Variants in CAND2 observed in about 807,000 individuals in gnomAD.
CAND2 encodes cullin-associated NEDD8-dissociated protein 2.
CAND2 carries 62 observed loss-of-function variants against 98.9 expected under a neutral mutation model. The ratio of observed to expected loss-of-function variants is 0.63; its 90% CI spans 0.51 to 0.77. The LOEUF (loss-of-function observed/expected upper bound fraction) is 0.77, where lower values mean the gene tolerates loss of function less well. Among genes scored for constraint, CAND2 ranks in the 30% least tolerant of loss-of-function variants. CAND2 has a pLI of 0.00. For missense variants in CAND2, 1,501 were observed against 1,655.2 expected (o/e 0.91, Z 1.62); for synonymous variants, 770 against 731.9 (o/e 1.05, Z -0.84).
At chr3:12,822,181 T>C (rs763286180) in intron 11 of CAND2, among the ~76,000 whole-genome samples, 2 of 152,206 alleles carry the variant, frequency 1.3e-5, no homozygotes, top group African/African-American at 4.8e-5. Context: ...TTATTTGTCA[T>C]TAGAGACTCA....
chr3:12,828,513 TG>T (rs1165654314), intron 13 of CAND2, among the ~76,000 whole-genome samples: 1 of 152,074 alleles, frequency 6.6e-6, no homozygotes, highest in East Asian at 1.9e-4. Context: ...AAATTTTTTT[TG>T]TATTTTTAGT....
chr3:12,834,196 T>C lies in CAND2; in HGVS notation c.*214T>C. On this transcript the variant is annotated 3_prime_UTR_variant, in exon 15 of 15. Transcript: ENST00000456430. Reference sequence around the variant, plus strand: ...GTGAGGCTGCCAACAGTTGGGCCCCTTCCTTAACTCAGGACAGTCATCCAA... The same window carrying C: ...GTGAGGCTGCCAACAGTTGGGCCCCCTCCTTAACTCAGGACAGTCATCCAA... The C allele has an allele frequency of 1.7e-6, 1 of 585,652 alleles. No homozygotes were observed. The highest frequency in any genetic ancestry group is 3.0e-6 in the Non-Finnish European group (1 of 328,312). 36.3% of individuals were successfully genotyped at this position (585,652 alleles called of 1,614,324 possible).
In CAND2 at chr3:12,831,511, C is replaced by T. The variant is rs201359858; in HGVS notation, c.3422C>T (p.Ala1141Val). The T allele has an allele frequency of 6.2e-7, 1 of 1,614,098 alleles. No homozygotes were observed. The highest frequency in any genetic ancestry group is 1.3e-5 in the African/African-American group (1 of 75,032). ...GCCCGGCTGGCCACCCTGTGTCCTG[C>T]ACCTGTCCTGCAGAGGGTGGACCGA... ...MVARLATLCP[A>V]PVLQRVDRLI... Residue 1141 changes from alanine to valine, a missense_variant, in exon 14 of 15, where the codon GCA (alanine) becomes GTA (valine). Physicochemically the swap from Ala to Val is moderately conservative, Grantham distance 64. Around this residue, in one of 3 missense-constraint regions of CAND2, gnomAD observed 1,427 missense variants for 1,545.3 expected, o/e 0.92. Coordinates refer to ENST00000456430, the MANE Select transcript of CAND2 (RefSeq NM_001162499.2).
intron 13 of CAND2, 126 bp downstream of exon 13, chr3:12,827,730 G>T: frequency 1.1e-6 from 1 of 911,828 alleles, no homozygotes; most frequent in Non-Finnish European, 1.6e-6. Flanking sequence ...CTGCATTGTT[G>T]TTTTCTGATA....
intron 5 of CAND2, among the ~76,000 whole-genome samples, chr3:12,812,333 C>T (rs550310665): frequency 2.3e-4 from 34 of 148,936 alleles, no homozygotes; most frequent in Non-Finnish European, 3.4e-4. Context: ...AAGCAATTCT[C>T]CTGCCTCAGC....
At chr3:12,820,402 C>T (rs558472294) in intron 11 of CAND2, among the ~76,000 whole-genome samples, 1 of 152,328 alleles carries the variant, frequency 6.6e-6, no homozygotes, top group South Asian at 2.1e-4. Context: ...GCCCATCACA[C>T]CTCTAAGCCT....
rs530014195 is a variant in CAND2, at chr3:12,803,583, G to A, written c.164G>A (p.Arg55Gln). The A allele has an allele frequency of 1.1e-5, 18 of 1,613,202 alleles. No individual in the cohort carries two copies. The highest frequency in any genetic ancestry group is 5.0e-5 in the Admixed American group (3 of 59,930). ...CGCAAGGTGGTGAAGATGCTGCTCC[G>A]GCTCCTGGAGGACAAGAACGGTGAG... ...SERKVVKMLL[R>Q]LLEDKNGEVQ... The change falls in exon 2 of 15, where the codon CGG becomes CAG. Residue 55 changes from arginine to glutamine, a missense_variant. Arg to Gln is a conservative substitution (Grantham distance 43). Around this residue, in one of 3 missense-constraint regions of CAND2, gnomAD observed 62 missense variants for 77.3 expected, o/e 0.80. Coordinates refer to ENST00000456430, the MANE Select transcript of CAND2 (RefSeq NM_001162499.2).
At chr3:12,808,889 G>T (rs1263653133) in intron 4 of CAND2, among the ~76,000 whole-genome samples, 1 of 152,166 alleles carries the variant, frequency 6.6e-6, no homozygotes, top group African/African-American at 2.4e-5. Flanking sequence ...TCTGCCAGGG[G>T]TCGTGGGGCA....
intron 2 of CAND2, 22 bp downstream of exon 2, chr3:12,803,653 G>A: frequency 1.3e-6 from 2 of 1,579,968 alleles, no homozygotes; most frequent in Non-Finnish European, 1.7e-6. Context: ...CCTCGGTGGA[G>A]CAGGAGAGGG....
chr3:12,820,190 C>T lies in CAND2; in HGVS notation c.3040+9C>T. On this transcript the variant is annotated intron_variant, in intron 11 of 14. Transcript: ENST00000456430. ...CCTGAAGAGCTTCATCGGTGAGCAC[C>T]TACCTCTTGCCCCTCCACCTTGTTC... The T allele has an allele frequency of 6.2e-7, 1 of 1,605,936 alleles. No homozygotes were observed. The highest frequency in any genetic ancestry group is 8.5e-7 in the Non-Finnish European group (1 of 1,172,670).
Position 12,834,525 on chromosome 3 carries a change from T to TA in CAND2, c.*544dup, listed in dbSNP as rs1253077715. The TA allele has an allele frequency of 1.9e-5, 3 of 154,816 alleles. No homozygotes were observed. Among genetic ancestry groups the TA allele is most frequent in the Admixed American group, 6.3e-5 (1 of 15,902 alleles). 9.6% of individuals were successfully genotyped at this position (154,816 alleles called of 1,614,324 possible). Reference sequence around the variant, plus strand: ...GATGAATCAGAAATTTGGAAGATGATACGGGTTTCTTTTTTCCAGGGAGGA... The same window carrying TA: ...GATGAATCAGAAATTTGGAAGATGATAACGGGTTTCTTTTTTCCAGGGAGGA... On this transcript the variant is annotated 3_prime_UTR_variant, in exon 15 of 15. Transcript: ENST00000456430.
intron 11 of CAND2, among the ~76,000 whole-genome samples, chr3:12,823,922 C>T (rs1394918690): frequency 6.6e-6 from 1 of 151,630 alleles, no homozygotes; most frequent in African/African-American, 2.4e-5. Flanking sequence ...ATGATAAATA[C>T]AGTTTTTTTG....
At chr3:12,800,755 C>G (rs1490563356) in intron 1 of CAND2, among the ~76,000 whole-genome samples, 1 of 152,148 alleles carries the variant, frequency 6.6e-6, no homozygotes, top group Non-Finnish European at 1.5e-5. Context: ...TTGAGTCTCA[C>G]TCTGTCACCC....
chr3:12,818,729 C>G (rs2061930241), intron 10 of CAND2, among the ~76,000 whole-genome samples: 1 of 152,220 alleles, frequency 6.6e-6, no homozygotes, highest in Non-Finnish European at 1.5e-5. Flanking sequence ...GTAATTAATA[C>G]TGAGTAAATC....
At position 12,817,617 on chromosome 3, in the gene CAND2, C is replaced by T; in HGVS notation, c.2685C>T (p.Asp895=). The T allele has an allele frequency of 1.9e-6, 3 of 1,613,658 alleles. No homozygotes were observed. Among genetic ancestry groups the T allele is most frequent in the Non-Finnish European group, 2.5e-6 (3 of 1,179,996 alleles). The change falls in exon 10 of 15, where the codon GAC becomes GAT. Residue 895 remains aspartate, a synonymous_variant. Transcript: ENST00000456430. ...GTGTGGGTGCTGGCAGCCTGCCCGA[C>T]TTCCTGCCCTTCCTGCTGGAGCAGA... ...LGRVGAGSLP[D]FLPFLLEQIE... is the part of the protein sequence containing the mutation.
intron 10 of CAND2, among the ~76,000 whole-genome samples, chr3:12,818,943 CTA>C (rs1420761295): frequency 6.6e-6 from 1 of 152,192 alleles, no homozygotes; most frequent in Non-Finnish European, 1.5e-5. Flanking sequence ...CTATTTGTTT[CTA>C]TCTCACGTGC....
At chr3:12,808,995 C>A (rs893170909) in intron 4 of CAND2, among the ~76,000 whole-genome samples, 1 of 152,066 alleles carries the variant, frequency 6.6e-6, no homozygotes, top group Non-Finnish European at 1.5e-5. Flanking sequence ...CTACCCTGAT[C>A]TTTCTCTCTG....
intron 11 of CAND2, among the ~76,000 whole-genome samples, chr3:12,823,646 C>A (rs1397382550): frequency 6.6e-6 from 1 of 152,112 alleles, no homozygotes; most frequent in Non-Finnish European, 1.5e-5. Context: ...AGGAGAATGG[C>A]GTGAACCCGG....
intron 1 of CAND2, among the ~76,000 whole-genome samples, chr3:12,802,988 CTT>C (rs34041335): frequency 2.0e-4 from 25 of 127,304 alleles, no homozygotes; most frequent in Middle Eastern, 4.3e-3. Flanking sequence ...CCATTAAAAT[CTT>C]TTTTTTTTTT....
Sources: gnomAD v4.1 joint callset for allele counts (sites outside exome capture counted in the v4.1 genomes callset) on GRCh38, gnomAD v4.1.1 for gene constraint, gnomAD v4.1.1 regional missense constraint, MANE v1.5 for transcripts, NCBI Gene and HGNC (gene_info 2026-07-23, HGNC 2026-07-21) for gene names.